RP1L1: variants seen among roughly 807,000 people sequenced by gnomAD.
RP1L1 encodes the protein RP1 like 1, also known as retinitis pigmentosa 1-like 1 protein.
Under a neutral mutation model 15.7 loss-of-function variants are expected in RP1L1, and 27 were observed. The ratio of observed to expected loss-of-function variants is 1.72; its 90% confidence interval spans 1.27 to 2.38. The LOEUF (loss-of-function observed/expected upper bound fraction) is 2.38, where lower values mean the gene tolerates loss of function less well. RP1L1 is among the 30% of genes most tolerant of loss of function. RP1L1 has a pLI of 0.00. For missense variants in RP1L1, 4,798 were observed against 3,075.9 expected (o/e 1.56, Z -13.24); for synonymous variants, 1,813 against 1,276.7 (o/e 1.42, Z -8.96).
At chr8:10,633,780 G>T (rs1426269877) in intron 1 of RP1L1, among the ~76,000 whole-genome samples, 1 of 152,170 alleles carries the variant, frequency 6.6e-6, no homozygotes, top group Non-Finnish European at 1.5e-5. Context: ...TCATGGCAAG[G>T]CATATTCTAA....
chr8:10,631,303 ATGCACACACACG>A (rs1563135234), intron 1 of RP1L1, among the ~76,000 whole-genome samples: 1 of 107,094 alleles, frequency 9.3e-6, no homozygotes, highest in African/African-American at 2.7e-5. Flanking sequence ...ACAAACACGC[ATGCACACACACG>A]CACACACGCA....
In RP1L1 at chr8:10,616,575, G is replaced by T. The variant is rs201753844; in HGVS notation, c.622C>A (p.Gln208Lys). The change falls in exon 3 of 4, where the codon CAG becomes AAG. Residue 208 changes from glutamine to lysine, a missense_variant. By Grantham distance (53) the Gln-to-Lys change is moderately conservative (BLOSUM62 1). Coordinates refer to ENST00000382483, the MANE Select transcript of RP1L1 (RefSeq NM_178857.6). ...TTSGKKVDSL[Q>K]ALLHSPSVLV... ...ACAGAGGGGCTGTGCAGCAGGGCCT[G>T]CAGCGAGTCCACCTGAGGGAGGAGC... 241 of 1,612,618 alleles carry T rather than the reference G, an allele frequency of 1.5e-4. 3 individuals are homozygous for T. In the East Asian group the frequency reaches 4.0e-3, roughly 27 times the overall value.
chr8:10,649,090 G>A (rs1198703073), intron 1 of RP1L1, among the ~76,000 whole-genome samples: 1 of 152,210 alleles, frequency 6.6e-6, no homozygotes, highest in East Asian at 1.9e-4. Flanking sequence ...AGCCTTGTAG[G>A]GGTTTTCCCT....
chr8:10,627,604 A>G (rs1037830360), intron 1 of RP1L1, among the ~76,000 whole-genome samples: 1 of 151,446 alleles, frequency 6.6e-6, no homozygotes, highest in Non-Finnish European at 1.5e-5. Context: ...AACAGTTTAG[A>G]TGGCCAATTC....
chr8:10,623,349 G>C, intron 1 of RP1L1, 129 bp from the exon 2 acceptor site: 1 of 713,516 alleles, frequency 1.4e-6, no homozygotes, highest in Non-Finnish European at 2.3e-6. Context: ...GGAGAGGCAA[G>C]TGAATCTATT....
chr8:10,610,289 G>A lies in RP1L1; in HGVS notation c.3809C>T (p.Ala1270Val). 1 of 1,614,196 alleles carries A rather than the reference G, an allele frequency of 6.2e-7. No homozygotes were observed. Among genetic ancestry groups the A allele is most frequent in the South Asian group, 1.1e-5 (1 of 91,082 alleles). Residue 1270 changes from alanine (A) to valine (V), a missense_variant, in exon 4 of 4, where the codon GCC becomes GTC. Ala to Val is a moderately conservative substitution (Grantham distance 64). Transcript: ENST00000382483. ...TCTTTCTGCTTCATCCTCATTGGTG[G>A]CACAAGCGCAGGCTCGGGCGTTCAA... ...TFLNARACAC[A>V]TNEDEAERDS... is the part of the protein sequence containing the mutation.
intron 1 of RP1L1, among the ~76,000 whole-genome samples, chr8:10,650,553 CTTT>C (rs1187467021): frequency 5.8e-5 from 8 of 138,782 alleles, no homozygotes; most frequent in Non-Finnish European, 4.7e-5. Context: ...CTCCGTAGTT[CTTT>C]TTTTTTTTTT....
chr8:10,652,683 C>T (rs1798580383), intron 1 of RP1L1, among the ~76,000 whole-genome samples: 2 of 151,996 alleles, frequency 1.3e-5, no homozygotes, highest in Admixed American at 1.3e-4. Context: ...AAAAAAAAAC[C>T]TTTCAAAGTA....
At chr8:10,638,902 T>G (rs1273112182) in intron 1 of RP1L1, among the ~76,000 whole-genome samples, 1 of 152,044 alleles carries the variant, frequency 6.6e-6, no homozygotes, top group South Asian at 2.1e-4. Context: ...CCCAGCACTT[T>G]GGGCGGTTGA....
At chr8:10,621,571 C>G (rs1384442902) in intron 2 of RP1L1, 7 of 389,164 alleles carry the variant, frequency 1.8e-5, no homozygotes, top group African/African-American at 1.0e-4. Flanking sequence ...GGTGATCCGC[C>G]TGCCTCAGCC....
rs759115593 is a variant in RP1L1, at chr8:10,609,499, G to T, written c.4599C>A (p.His1533Gln). 4.3e-6 allele frequency: 7 copies of T among 1,610,624 alleles called. No individual in the cohort carries two copies. The highest frequency in any genetic ancestry group is 5.9e-6 in the Non-Finnish European group (7 of 1,179,130). Residue 1533 changes from histidine to glutamine, a missense_variant, in exon 4 of 4, where the codon CAC becomes CAA. Transcript: ENST00000382483. The part of the protein sequence containing the change: ...LKKTEKAFLA[H>Q]LASAVAELRA... ...GGAGCTCAGCCACCGCACTGGCAAG[G>T]TGGGCCAGGAAGGCCTTCTCCGTCT...
rs919871477 is a variant in RP1L1 at position 10,628,306 on chromosome 8, C to T, written c.-19-5086G>A. On this transcript the variant is annotated intron_variant, in intron 1 of 3. Coordinates refer to ENST00000382483, the MANE Select transcript of RP1L1 (RefSeq NM_178857.6). The stretch of plus-strand genomic sequence containing the variant: ...AGACCTCTTGAGAAATTACCAAAGG[C>T]GTTCATTCTTAAAATTGTCTAGGTA... Among the ~76,000 whole-genome samples the T allele has an allele frequency of 7.9e-5, 12 of 152,162 alleles. No homozygotes were observed. The South Asian group carries it at 1.0e-3, about 13-fold the overall frequency.
rs1205062318 is a variant in RP1L1 at position 10,612,467 on chromosome 8, C to T, written c.1631G>A (p.Gly544Glu). 6.2e-7 allele frequency: 1 copy of T among 1,612,728 alleles called. No homozygotes were observed. The highest frequency in any genetic ancestry group is 1.1e-5 in the South Asian group (1 of 91,072). The change falls in exon 4 of 4, where the codon GGA becomes GAA. Residue 544 changes from glycine to glutamate, a missense_variant. Physicochemically the swap from Gly to Glu is moderately conservative, Grantham distance 98 (BLOSUM62 -2). Coordinates refer to ENST00000382483, the MANE Select transcript of RP1L1 (RefSeq NM_178857.6). Reference sequence around the variant, plus strand: ...GGGCCGCCCACCCCATTCGCTGGATCCCTCATGAGAGCCGGTGCTGGCTGA... The same window carrying T: ...GGGCCGCCCACCCCATTCGCTGGATTCCTCATGAGAGCCGGTGCTGGCTGA... Reference protein sequence around the residue: ...DSSASTGSHEGSSEWGGRPQG... With the variant: ...DSSASTGSHEESSEWGGRPQG...
At chr8:10,654,026 G>C (rs1015408285) in intron 1 of RP1L1, among the ~76,000 whole-genome samples, 1 of 152,144 alleles carries the variant, frequency 6.6e-6, no homozygotes, top group African/African-American at 2.4e-5. Context: ...TGTGGGGCAT[G>C]GTCCCATGGG....
intron 1 of RP1L1, among the ~76,000 whole-genome samples, chr8:10,654,682 C>T (rs1477765088): frequency 1.3e-5 from 2 of 152,244 alleles, no homozygotes; most frequent in Non-Finnish European, 2.9e-5. Context: ...TGAAACTCCA[C>T]TGTGTCGTGT....
At chr8:10,643,409 T>G (rs926868227) in intron 1 of RP1L1, among the ~76,000 whole-genome samples, 1 of 152,174 alleles carries the variant, frequency 6.6e-6, no homozygotes, top group East Asian at 1.9e-4. Flanking sequence ...ACGTACCTGG[T>G]ACACAGTCGG....
intron 2 of RP1L1, among the ~76,000 whole-genome samples, chr8:10,617,044 G>A (rs73662878): frequency 0.038 from 5,848 of 152,204 alleles, 379 homozygotes; most frequent in African/African-American, 0.13. Flanking sequence ...TTCTGGTACA[G>A]TCTGAGTCTG....
intron 1 of RP1L1, among the ~76,000 whole-genome samples, chr8:10,631,826 C>A (rs894340636): frequency 5.3e-5 from 8 of 152,154 alleles, no homozygotes; most frequent in African/African-American, 1.9e-4. Context: ...GGGCTCTCCA[C>A]GGCGGGGAAG....
chr8:10,652,401 T>C (rs902336762), intron 1 of RP1L1, among the ~76,000 whole-genome samples: 1 of 152,106 alleles, frequency 6.6e-6, no homozygotes. Flanking sequence ...TCATGAGTGG[T>C]GGAGAGAAAG....
Sources: allele counts gnomAD v4.1 joint callset (sites outside exome capture counted in the v4.1 genomes callset), GRCh38; gene constraint gnomAD v4.1.1; transcripts MANE v1.5; gene names NCBI Gene and HGNC (gene_info 2026-07-23, HGNC 2026-07-21).